Variants in NCOA1 observed in about 807,000 individuals in gnomAD.
The protein encoded by NCOA1 is Hin-2 protein.
A neutral mutation model predicts 150.9 loss-of-function variants in NCOA1; 35 were observed. The observed-to-expected ratio is 0.23, with a 90% CI of 0.18 to 0.31. The LOEUF (loss-of-function observed/expected upper bound fraction) is 0.31. Ranked by LOEUF, NCOA1 falls within the 10% of genes least tolerant of loss-of-function variation. The probability of loss-of-function intolerance (pLI) is 1.00; values close to 1 mark genes in which losing one functional copy is unlikely to be tolerated. For synonymous variants in NCOA1, 590 were observed against 630.0 expected (o/e 0.94, Z 0.95); for missense variants, 1,491 against 1,749.3 (o/e 0.85, Z 2.63).
rs147531761 is a variant in NCOA1, at chr2:24,680,161, T to C, written c.355-2790T>C. On this transcript the variant is annotated intron_variant, in intron 7 of 22. Transcript: ENST00000348332. ...ACATACTGATTTCATTTCCTTTGGA[T>C]ATATACCCAGTACTGGGATTACTGG... Among the ~76,000 whole-genome samples the C allele has an allele frequency of 4.1e-3, 628 of 152,344 alleles. 4 individuals carry two copies. The highest frequency in any genetic ancestry group is 0.015 in the African/African-American group (608 of 41,580).
intron 18 of NCOA1, among the ~76,000 whole-genome samples, chr2:24,740,820 T>C (rs1663564684): frequency 6.6e-6 from 1 of 152,230 alleles, no homozygotes; most frequent in African/African-American, 2.4e-5. Flanking sequence ...TAGTTTCTTC[T>C]AGATTAGACT....
At chr2:24,541,162 T>A (rs1665376154) in intron 1 of NCOA1, among the ~76,000 whole-genome samples, 1 of 152,180 alleles carries the variant, frequency 6.6e-6, no homozygotes, top group South Asian at 2.1e-4. Context: ...ATAATGGTAG[T>A]TGATAATGGC....
intron 3 of NCOA1, among the ~76,000 whole-genome samples, chr2:24,596,008 A>T (rs1667870384): frequency 6.6e-6 from 1 of 152,132 alleles, no homozygotes; most frequent in Admixed American, 6.5e-5. Context: ...AGATCATGAG[A>T]TTTCAGACTA....
chr2:24,769,037 G>A lies in NCOA1; in HGVS notation c.*646G>A, dbSNP rs140028023. 5.8e-3 allele frequency: 1,242 copies of A among 214,022 alleles called. 16 individuals are homozygous for A. Among genetic ancestry groups the A allele is most frequent in the African/African-American group, 0.026 (1,141 of 44,292 alleles). 13.3% of individuals were successfully genotyped at this position (214,022 alleles called of 1,614,324 possible). A position where few individuals can be genotyped will look rare whatever the true frequency, so the allele number is the denominator to read the frequency against. ...AGAGGACGAAATGAGTATATTCACA[G>A]AGGAATCCAAAAAATACAGTTTGGG... On this transcript the variant is annotated 3_prime_UTR_variant, in exon 23 of 23. Coordinates refer to ENST00000348332, the MANE Select transcript of NCOA1 (RefSeq NM_003743.5).
chr2:24,574,599 A>C (rs1666874359), intron 2 of NCOA1, among the ~76,000 whole-genome samples: 1 of 152,048 alleles, frequency 6.6e-6, no homozygotes, highest in Non-Finnish European at 1.5e-5. Context: ...CGTATTTACC[A>C]TTGCTGGCAC....
At chr2:24,525,464 A>G (rs370206535) in intron 1 of NCOA1, among the ~76,000 whole-genome samples, 2 of 152,134 alleles carry the variant, frequency 1.3e-5, no homozygotes, top group Admixed American at 6.5e-5. Context: ...GAAACTGGTT[A>G]TTTATTTGAT....
chr2:24,764,765 G>C (rs1664962197), intron 22 of NCOA1, among the ~76,000 whole-genome samples: 1 of 152,222 alleles, frequency 6.6e-6, no homozygotes, highest in Admixed American at 6.5e-5. Context: ...AACATCGATA[G>C]AAGTGCTAGT....
intron 5 of NCOA1, among the ~76,000 whole-genome samples, chr2:24,662,831 A>G: frequency 6.6e-6 from 1 of 151,396 alleles, no homozygotes; most frequent in East Asian, 1.9e-4. Context: ...TCTATTGCCC[A>G]GGCTGGAGTG....
intron 9 of NCOA1, 36 bp from the exon 10 acceptor site, chr2:24,693,216 C>G: frequency 1.3e-6 from 2 of 1,574,206 alleles, no homozygotes; most frequent in Non-Finnish European, 1.7e-6. Flanking sequence ...ATTTTCTACT[C>G]TCTATCCTTC....
At chr2:24,618,613 G>A (rs1006386278) in intron 3 of NCOA1, among the ~76,000 whole-genome samples, 3 of 151,806 alleles carry the variant, frequency 2.0e-5, no homozygotes, top group African/African-American at 7.2e-5. Context: ...AAGGGTGGGA[G>A]AGAAAATATG....
At chr2:24,609,128 G>A (rs889898101) in intron 3 of NCOA1, among the ~76,000 whole-genome samples, 10 of 152,200 alleles carry the variant, frequency 6.6e-5, no homozygotes, top group Non-Finnish European at 8.8e-5. Context: ...TTCAAGGGGT[G>A]AGGACATGGG....
intron 10 of NCOA1, among the ~76,000 whole-genome samples, chr2:24,696,968 C>A (rs1033112852): frequency 6.6e-6 from 1 of 151,954 alleles, no homozygotes; most frequent in Admixed American, 6.6e-5. Flanking sequence ...TATTCACAAA[C>A]TGGATTAATT....
intron 19 of NCOA1, among the ~76,000 whole-genome samples, chr2:24,745,603 A>G (rs773334705): frequency 6.6e-6 from 1 of 151,568 alleles, no homozygotes; most frequent in Non-Finnish European, 1.5e-5. Context: ...TCTTCCACCT[A>G]TTCCTCCTCA....
intron 3 of NCOA1, among the ~76,000 whole-genome samples, chr2:24,607,950 CT>C (rs1257226128): frequency 4.6e-5 from 7 of 152,024 alleles, no homozygotes; most frequent in Non-Finnish European, 8.8e-5. Context: ...ATACAATACA[CT>C]TTTAAGGCTG....
intron 8 of NCOA1, among the ~76,000 whole-genome samples, chr2:24,684,059 A>C (rs941587359): frequency 4.6e-5 from 7 of 152,192 alleles, no homozygotes; most frequent in East Asian, 1.9e-4. Context: ...AGACTCTACC[A>C]TACCGTTTAG....
intron 1 of NCOA1, among the ~76,000 whole-genome samples, chr2:24,505,962 A>G (rs1236282691): frequency 1.3e-5 from 2 of 152,188 alleles, no homozygotes; most frequent in East Asian, 1.9e-4. Flanking sequence ...AGACAGATAG[A>G]CAGACTCACT....
intron 1 of NCOA1, among the ~76,000 whole-genome samples, chr2:24,559,309 A>G (rs1324318458): frequency 6.6e-6 from 1 of 152,122 alleles, no homozygotes; most frequent in Non-Finnish European, 1.5e-5. Flanking sequence ...CTCTCAGTGC[A>G]CCACAAGCTT....
intron 4 of NCOA1, among the ~76,000 whole-genome samples, chr2:24,650,241 G>T (rs559942859): frequency 1.3e-5 from 2 of 152,038 alleles, no homozygotes; most frequent in South Asian, 4.2e-4. Context: ...TGTTTCCAGG[G>T]ATTTCAGGAA....
At chr2:24,530,061 C>T (rs1182295474) in intron 1 of NCOA1, among the ~76,000 whole-genome samples, 2 of 152,188 alleles carry the variant, frequency 1.3e-5, no homozygotes, top group Non-Finnish European at 2.9e-5. Context: ...TTGCAAAGTG[C>T]ATCCAAAGAG....
Sources: allele counts gnomAD v4.1 joint callset (sites outside exome capture counted in the v4.1 genomes callset), GRCh38; gene constraint gnomAD v4.1.1; transcripts MANE v1.5; gene names NCBI Gene and HGNC (gene_info 2026-07-23, HGNC 2026-07-21).